Variants in ACOX2 observed in about 807,000 individuals in gnomAD.
The protein encoded by ACOX2 is acyl-CoA oxidase 2, also known as peroxisomal acyl-coenzyme A oxidase 2.
Under a neutral mutation model 77.5 loss-of-function variants are expected in ACOX2, and 59 were observed. That is an observed-to-expected ratio of 0.76 (90% CI 0.62 to 0.95). The LOEUF (loss-of-function observed/expected upper bound fraction) is 0.95, where lower values mean the gene tolerates loss of function less well. ACOX2 is among the 40% of genes least tolerant of loss of function. The pLI, the probability that ACOX2 is intolerant of heterozygous loss-of-function variation, is 0.00. For synonymous variants in ACOX2, 317 were observed against 340.1 expected (o/e 0.93, Z 0.75); for missense variants, 837 against 880.4 (o/e 0.95, Z 0.62).
In ACOX2 at chr3:58,526,067, G is replaced by C; in HGVS notation, c.1346+399C>G. ...GCAGAGGCAGGAGGTGGTGAGAGCAGGATGGACGGGGAGGCAGGGGTCAGG... is the reference window on the plus strand; with the variant it reads ...GCAGAGGCAGGAGGTGGTGAGAGCACGATGGACGGGGAGGCAGGGGTCAGG... On this transcript the variant is annotated intron_variant, in intron 10 of 14. Coordinates refer to ENST00000302819, the MANE Select transcript of ACOX2 (RefSeq NM_003500.4). This position sits in a 1 kb window ranked among gnomAD's most constrained non-coding sequence, Gnocchi z 4.3. Among the ~76,000 whole-genome samples, 1 of 152,104 alleles carries C rather than the reference G, an allele frequency of 6.6e-6. No homozygotes were observed.
rs1056835401 is a variant in ACOX2, at chr3:58,533,325, C to T, written c.583+120G>A. 15 of 913,176 alleles carry T rather than the reference C, an allele frequency of 1.6e-5. No homozygotes were observed. In the African/African-American group the frequency reaches 2.5e-4, roughly 15 times the overall value. 56.6% of individuals were successfully genotyped at this position (913,176 alleles called of 1,614,324 possible). ...GTTGGTGAACTGACTTGCCCAAGGTCAGCAGCCTAGAACAGAAAATCAATC... is the reference window on the plus strand; with the variant it reads ...GTTGGTGAACTGACTTGCCCAAGGTTAGCAGCCTAGAACAGAAAATCAATC... On this transcript the variant is annotated intron_variant, in intron 5 of 14. Transcript: ENST00000302819. The surrounding 1 kb of genome is among the most constrained non-coding windows in gnomAD (Gnocchi z 5.6).
chr3:58,506,599 C>T (rs1380854533), intron 14 of ACOX2, among the ~76,000 whole-genome samples: 1 of 152,138 alleles, frequency 6.6e-6, no homozygotes, highest in Non-Finnish European at 1.5e-5. Flanking sequence ...TTGAGACCAG[C>T]CTGGCCAACA....
In ACOX2 at chr3:58,523,524, C is replaced by T. The variant is rs2063373841; in HGVS notation, c.1526+902G>A. Among the ~76,000 whole-genome samples the T allele has an allele frequency of 6.6e-6, 1 of 152,106 alleles. No individual in the cohort carries two copies. The highest frequency in any genetic ancestry group is 2.4e-5 in the African/African-American group (1 of 41,404). ...AATAACTATTAACCATCCCTGGGAC[C>T]ACAGGTTGGGATATAAGACCTCTTA... is the stretch of plus-strand genomic sequence containing the variant. On this transcript the variant is annotated intron_variant, in intron 11 of 14. Transcript: ENST00000302819. This position sits in a 1 kb window ranked among gnomAD's most constrained non-coding sequence, Gnocchi z 5.3.
intron 13 of ACOX2, among the ~76,000 whole-genome samples, chr3:58,509,610 GTTT>G (rs148187288): frequency 8.8e-6 from 1 of 113,230 alleles, no homozygotes. Flanking sequence ...ATTTCAATCT[GTTT>G]TTTTTTTTTT....
At chr3:58,517,631 CG>C (rs1234748038) in intron 12 of ACOX2, among the ~76,000 whole-genome samples, 1 of 97,180 alleles carries the variant, frequency 1.0e-5, no homozygotes, top group Non-Finnish European at 2.1e-5. Flanking sequence ...GGAGCGGGGA[CG>C]GGGGGGACTG....
In ACOX2 at chr3:58,531,461, G is replaced by C. The variant is rs933269900; in HGVS notation, c.704-95C>G. On this transcript the variant is annotated intron_variant, in intron 6 of 14. Transcript: ENST00000302819. This position sits in a 1 kb window ranked among gnomAD's most constrained non-coding sequence, Gnocchi z 5.8. ...CACATTCCAGGTCACAGCAGCCTGT[G>C]ACACTGGGATTATTGTACCTATTTT... The C allele has an allele frequency of 1.6e-6, 2 of 1,287,940 alleles. No homozygotes were observed. Among genetic ancestry groups the C allele is most frequent in the African/African-American group, 3.0e-5 (2 of 67,774 alleles). The allele number at this position is 1,287,940 out of a possible 1,614,324, so 79.8% of individuals were successfully genotyped here. A position where few individuals can be genotyped will look rare whatever the true frequency, so the allele number is the denominator to read the frequency against.
Position 58,522,581 on chromosome 3 carries a change from T to G in ACOX2, c.1547A>C (p.Gln516Pro). ...VAVRLIKDSV[Q>P]HLQTLTQSGA... ...GGATTGCGTCAGGGTCTGTAAATGC[T>G]GCACTGAGTCCTTTATGAGCCTGAA... Residue 516 changes from glutamine (Q) to proline (P), a missense_variant, in exon 12 of 15, where the codon CAG becomes CCG. By Grantham distance (76) the Gln-to-Pro change is moderately conservative. Transcript: ENST00000302819. This position sits in a 1 kb window ranked among gnomAD's most constrained non-coding sequence, Gnocchi z 4.3. 6.2e-7 allele frequency: 1 copy of G among 1,614,182 alleles called. No homozygotes were observed. Among genetic ancestry groups the G allele is most frequent in the East Asian group, 2.2e-5 (1 of 44,886 alleles).
chr3:58,508,191 G>A (rs1002135697), intron 14 of ACOX2, among the ~76,000 whole-genome samples: 2 of 152,120 alleles, frequency 1.3e-5, no homozygotes, highest in African/African-American at 2.4e-5. Context: ...TAAGCATAGA[G>A]CTGCGAGCAT....
chr3:58,522,472 C>G lies in ACOX2; in HGVS notation c.1632+24G>C, dbSNP rs373605026. The G allele has an allele frequency of 6.2e-7, 1 of 1,609,382 alleles. No homozygotes were observed. Among genetic ancestry groups the G allele is most frequent in the East Asian group, 2.2e-5 (1 of 44,844 alleles). On this transcript the variant is annotated intron_variant, in intron 12 of 14. Transcript: ENST00000302819. The surrounding 1 kb of genome is among the most constrained non-coding windows in gnomAD (Gnocchi z 4.3). Reference sequence around the variant, plus strand: ...CCTGGGAAGCAAAATGGATCCCTTTCAGCTTCAGCTGGCAGGCGCTCACCT... The same window carrying G: ...CCTGGGAAGCAAAATGGATCCCTTTGAGCTTCAGCTGGCAGGCGCTCACCT...
At chr3:58,529,126 A>G (rs999803028) in intron 8 of ACOX2, 170 bp from the exon 9 acceptor site, 10 of 591,808 alleles carry the variant, frequency 1.7e-5, no homozygotes, top group Non-Finnish European at 2.7e-5. Context: ...TAACATGAAC[A>G]TCCACACATT....
Position 58,533,293 on chromosome 3 carries a change from G to C in ACOX2, c.583+152C>G, listed in dbSNP as rs2063454540. The C allele has an allele frequency of 1.5e-6, 1 of 667,722 alleles. No homozygotes were observed. The allele number at this position is 667,722 out of a possible 1,614,324, so 41.4% of individuals were successfully genotyped here. A position where few individuals can be genotyped will look rare whatever the true frequency, so the allele number is the denominator to read the frequency against. On this transcript the variant is annotated intron_variant, in intron 5 of 14. Transcript: ENST00000302819. The surrounding 1 kb of genome is among the most constrained non-coding windows in gnomAD (Gnocchi z 5.6). ...CCTATTTTACAGAGTAAGAACCTGA[G>C]GCTCAGGTTGGTGAACTGACTTGCC...
At position 58,523,251 on chromosome 3, in the gene ACOX2, G is replaced by T. The variant is rs1452435065; in HGVS notation, c.1527-650C>A. On this transcript the variant is annotated intron_variant, in intron 11 of 14. Coordinates refer to ENST00000302819, the MANE Select transcript of ACOX2 (RefSeq NM_003500.4). This position sits in a 1 kb window ranked among gnomAD's most constrained non-coding sequence, Gnocchi z 5.3. ...ATGTTTTTTGCTTTGTCAGGGAATAGATAAGCAGATGTCACACTGAGTTTC... is the reference window on the plus strand; with the variant it reads ...ATGTTTTTTGCTTTGTCAGGGAATATATAAGCAGATGTCACACTGAGTTTC... 1.3e-5 allele frequency among the ~76,000 whole-genome samples: 2 copies of T among 152,198 alleles called. No homozygotes were observed. Among genetic ancestry groups the T allele is most frequent in the African/African-American group, 4.8e-5 (2 of 41,432 alleles).
At position 58,526,818 on chromosome 3, in the gene ACOX2, G is replaced by T; in HGVS notation, c.1156-162C>A. The T allele has an allele frequency of 1.3e-6, 1 of 751,288 alleles. No individual in the cohort carries two copies. The allele number at this position is 751,288 out of a possible 1,614,324, so 46.5% of individuals were successfully genotyped here. ...TTATGAATGAGAAGGCGGGTACTCA[G>T]CTTATGTGACTCACCCAGAGGCACA... On this transcript the variant is annotated intron_variant, in intron 9 of 14. Transcript: ENST00000302819. This position sits in a 1 kb window ranked among gnomAD's most constrained non-coding sequence, Gnocchi z 4.3.
At chr3:58,520,417 CAG>C (rs1364828996) in intron 12 of ACOX2, among the ~76,000 whole-genome samples, 1 of 152,232 alleles carries the variant, frequency 6.6e-6, no homozygotes, top group Non-Finnish European at 1.5e-5. Context: ...CTCTTCTGGT[CAG>C]AGTCTGAATT....
intron 12 of ACOX2, among the ~76,000 whole-genome samples, chr3:58,518,881 C>A (rs899823789): frequency 6.7e-6 from 1 of 150,246 alleles, no homozygotes; most frequent in African/African-American, 2.4e-5. Context: ...CTCAAGTGAT[C>A]CTCCTTCCTT....
rs772138393 is a variant in ACOX2 at position 58,533,423 on chromosome 3, AG to A, written c.583+21del. 6.2e-7 allele frequency: 1 copy of A among 1,601,798 alleles called. No homozygotes were observed. The highest frequency in any genetic ancestry group is 8.6e-7 in the Non-Finnish European group (1 of 1,169,436). Reference sequence around the variant, plus strand: ...TCTTCTACTTGGGGAGAGTTAAGGAAGGGGGGTGGATGTATACTCACAGTCT... The same window carrying A: ...TCTTCTACTTGGGGAGAGTTAAGGAAGGGGGTGGATGTATACTCACAGTCT... On this transcript the variant is annotated intron_variant, in intron 5 of 14. Coordinates refer to ENST00000302819, the MANE Select transcript of ACOX2 (RefSeq NM_003500.4). This position sits in a 1 kb window ranked among gnomAD's most constrained non-coding sequence, Gnocchi z 5.6.
Position 58,525,743 on chromosome 3 carries a change from C to T in ACOX2, c.1346+723G>A, listed in dbSNP as rs1479352624. Among the ~76,000 whole-genome samples, 1 of 152,144 alleles carries T rather than the reference C, an allele frequency of 6.6e-6. No individual in the cohort carries two copies. The highest frequency in any genetic ancestry group is 2.4e-5 in the African/African-American group (1 of 41,414). On this transcript the variant is annotated intron_variant, in intron 10 of 14. Coordinates refer to ENST00000302819, the MANE Select transcript of ACOX2 (RefSeq NM_003500.4). This position sits in a 1 kb window ranked among gnomAD's most constrained non-coding sequence, Gnocchi z 5.0. ...GGCCGGCAGAAGTGAGCAGAGGTGG[C>T]TGGGTGCGGTGGCTTGTGCCTGTAA...
chr3:58,508,991 A>C lies in ACOX2; in HGVS notation c.1885T>G (p.Phe629Val), dbSNP rs1312822866. 2 of 1,614,178 alleles carry C rather than the reference A, an allele frequency of 1.2e-6. No homozygotes were observed. The highest frequency in any genetic ancestry group is 1.7e-6 in the Non-Finnish European group (2 of 1,180,010). Reference protein sequence around the residue: ...DAILLTDAFDFTDQCLNSALG... With the variant: ...DAILLTDAFDVTDQCLNSALG... ...GCTGAATTTAAACACTGATCGGTGA[A>C]GTCAAAAGCATCAGTTAACAGGATG... Residue 629 changes from phenylalanine (F) to valine (V), a missense_variant, in exon 14 of 15, where the codon TTC becomes GTC. Physicochemically the swap from Phe to Val is conservative, Grantham distance 50. Transcript: ENST00000302819.
At chr3:58,508,686 A>C (rs570890841) in intron 14 of ACOX2, among the ~76,000 whole-genome samples, 2 of 152,264 alleles carry the variant, frequency 1.3e-5, no homozygotes, top group African/African-American at 4.8e-5. Context: ...CATTTTGCTG[A>C]TTACAATCCA....
Sources: gnomAD v4.1 joint callset for allele counts (sites outside exome capture counted in the v4.1 genomes callset) on GRCh38, gnomAD v4.1.1 for gene constraint, Gnocchi (gnomAD v3.1) non-coding constraint, MANE v1.5 for transcripts, NCBI Gene and HGNC (gene_info 2026-07-23, HGNC 2026-07-21) for gene names.